Variants in MICAL3 observed in about 807,000 individuals in gnomAD.
The protein encoded by MICAL3 is microtubule associated monooxygenase, calponin and LIM domain containing 3.
MICAL3 carries 62 observed loss-of-function variants against 207.4 expected under a neutral mutation model. That is an observed-to-expected ratio of 0.30 (90% CI 0.24 to 0.37). The LOEUF is 0.37. MICAL3 is among the 10% of genes least tolerant of loss of function. The pLI is 1.00. For synonymous variants in MICAL3, 1,077 were observed against 1,069.3 expected, an observed-to-expected ratio of 1.01 and a Z score of -0.14; for missense variants, 2,368 against 2,635.6, an observed-to-expected ratio of 0.90 and a Z score of 2.22.
At chr22:17,822,404 GCT>G (rs528053818) in intron 23 of MICAL3, among the ~76,000 whole-genome samples, 34 of 152,340 alleles carry the variant, frequency 2.2e-4, no homozygotes, top group African/African-American at 7.0e-4. Context: ...AGCCTGTGGG[GCT>G]CTGTTTCTTT....
Position 17,893,886 on chromosome 22 carries a change from T to G in MICAL3, c.1468A>C (p.Thr490Pro). 6.4e-7 allele frequency: 1 copy of G among 1,560,616 alleles called. No individual in the cohort carries two copies. The highest frequency in any genetic ancestry group is 8.7e-7 in the Non-Finnish European group (1 of 1,151,220). Residue 490 changes from threonine to proline, a missense_variant, in exon 11 of 32, where the codon ACT (threonine) becomes CCT (proline). Coordinates refer to ENST00000441493, the MANE Select transcript of MICAL3 (RefSeq NM_015241.3). ...RPSQVRHLYD[T>P]GETKDIHLEM... ...AGGTGAATATCTTTTGTTTCGCCAG[T>G]ATCATATAAATGGCGCACCTGGCAG... is the stretch of plus-strand genomic sequence containing the variant.
chr22:17,904,172 C>T (rs1018917132), intron 3 of MICAL3, among the ~76,000 whole-genome samples: 2 of 152,256 alleles, frequency 1.3e-5, no homozygotes, highest in African/African-American at 2.4e-5. Flanking sequence ...TGGCTCCCCC[C>T]AGGACTGTGT....
rs1452258641 is a variant in MICAL3 at position 17,965,666 on chromosome 22, A to G, written c.-75+58615T>C. Among the ~76,000 whole-genome samples, 4 of 152,250 alleles carry G rather than the reference A, an allele frequency of 2.6e-5. No homozygotes were observed. The East Asian group carries it at 7.7e-4, about 29-fold the overall frequency. ...GTAACTTGCCCCAAGTCACACAGTA[A>G]GAGCTGACACCTGATCCCAGGAAGC... On this transcript the variant is annotated intron_variant, in intron 1 of 31. Transcript: ENST00000441493.
At chr22:17,884,691 A>G (rs1231289273) in intron 16 of MICAL3, among the ~76,000 whole-genome samples, 1 of 152,212 alleles carries the variant, frequency 6.6e-6, no homozygotes, top group East Asian at 1.9e-4. Context: ...GAGGAAAGCA[A>G]CCTTCTCTTA....
chr22:17,959,890 G>A (rs970453700), intron 1 of MICAL3, among the ~76,000 whole-genome samples: 2 of 152,184 alleles, frequency 1.3e-5, no homozygotes, highest in Non-Finnish European at 2.9e-5. Context: ...TATAAGGCAA[G>A]GCTGAAGGAA....
At chr22:17,866,674 A>ATATAGAATAGAATAGAATATAGAG (rs1215593354) in intron 17 of MICAL3, among the ~76,000 whole-genome samples, 1 of 151,200 alleles carries the variant, frequency 6.6e-6, no homozygotes, top group Non-Finnish European at 1.5e-5. Flanking sequence ...AGAATATAGA[A>ATATAGAATAGAATAGAATATAGAG]TAGAATAGAA....
At chr22:17,800,263 A>G (rs900253431) in intron 29 of MICAL3, among the ~76,000 whole-genome samples, 13 of 152,178 alleles carry the variant, frequency 8.5e-5, no homozygotes, top group African/African-American at 3.1e-4. Context: ...CCCGAAAACT[A>G]GAAATTATGT....
intron 8 of MICAL3, 79 bp from the exon 9 acceptor site, chr22:17,896,440 G>C: frequency 2.1e-6 from 2 of 942,196 alleles, no homozygotes; most frequent in South Asian, 2.9e-5. Flanking sequence ...GGAACAAAGA[G>C]TTTGCTGTCG....
chr22:17,812,588 C>T, intron 27 of MICAL3: 1 of 945,970 alleles, frequency 1.1e-6, no homozygotes, highest in South Asian at 4.9e-5. Context: ...GAAAACAAAA[C>T]AGAATAGTAA....
chr22:17,923,924 C>T (rs2401411), intron 1 of MICAL3, among the ~76,000 whole-genome samples: 111,960 of 152,180 alleles, frequency 0.74, 41,759 homozygotes, highest in African/African-American at 0.85. Flanking sequence ...CAGTTCAGCA[C>T]GGCTGGGGAG....
chr22:18,012,502 C>T (rs1380044842), intron 1 of MICAL3, among the ~76,000 whole-genome samples: 1 of 152,152 alleles, frequency 6.6e-6, no homozygotes, highest in Admixed American at 6.5e-5. Context: ...CCTGAAGTTC[C>T]ATCATCTAAT....
In MICAL3 at chr22:17,877,834, TC is replaced by T. The variant is rs552476842; in HGVS notation, c.2242-5812del. Among the ~76,000 whole-genome samples, 24 of 152,188 alleles carry T rather than the reference TC, an allele frequency of 1.6e-4. No individual in the cohort carries two copies. In the South Asian group the frequency reaches 5.0e-3, roughly 32 times the overall value. ...TGCCAATCTCTCCTATTCAACATGC[TC>T]CCCTCCCTTCTTCTTTTTTTTGAGA... On this transcript the variant is annotated intron_variant, in intron 16 of 31. Coordinates refer to ENST00000441493, the MANE Select transcript of MICAL3 (RefSeq NM_015241.3).
chr22:17,958,350 C>T (rs1306675209), intron 1 of MICAL3, among the ~76,000 whole-genome samples: 1 of 152,170 alleles, frequency 6.6e-6, no homozygotes, highest in African/African-American at 2.4e-5. Context: ...CTGAGTTGAA[C>T]GCACTCCACA....
In MICAL3 at chr22:17,790,671, G is replaced by C; in HGVS notation, c.*61C>G. The C allele has an allele frequency of 6.7e-7, 1 of 1,484,188 alleles. No homozygotes were observed. Among genetic ancestry groups the C allele is most frequent in the Non-Finnish European group, 9.1e-7 (1 of 1,098,026 alleles). The allele number at this position is 1,484,188 out of a possible 1,614,324, so 91.9% of individuals were successfully genotyped here. ...CCTCCTCAGATCGCGGCTCCGGGTGGTTTGGATGCCACTGCCTGGCCAGGC... is the reference window on the plus strand; with the variant it reads ...CCTCCTCAGATCGCGGCTCCGGGTGCTTTGGATGCCACTGCCTGGCCAGGC... On this transcript the variant is annotated 3_prime_UTR_variant, in exon 32 of 32. Coordinates refer to ENST00000441493, the MANE Select transcript of MICAL3 (RefSeq NM_015241.3).
rs1343079421 is a variant in MICAL3, at chr22:17,796,532, A to G, written c.5651-5231T>C. 6.6e-6 allele frequency among the ~76,000 whole-genome samples: 1 copy of G among 152,210 alleles called. No individual in the cohort carries two copies. Among genetic ancestry groups the G allele is most frequent in the East Asian group, 1.9e-4 (1 of 5,184 alleles). On this transcript the variant is annotated intron_variant, in intron 29 of 31. Coordinates refer to ENST00000441493, the MANE Select transcript of MICAL3 (RefSeq NM_015241.3). The surrounding 1 kb of genome is among the most constrained non-coding windows in gnomAD (Gnocchi z 4.4). The stretch of plus-strand genomic sequence containing the variant: ...GGAGTTAAGTGTGGCAGAGCCTGGA[A>G]AAGAAGCCAAATCTTCTTGCCCACT...
At chr22:17,998,472 C>T (rs1030651514) in intron 1 of MICAL3, among the ~76,000 whole-genome samples, 4 of 151,672 alleles carry the variant, frequency 2.6e-5, no homozygotes, top group African/African-American at 9.7e-5. Flanking sequence ...AATGAGATAA[C>T]AGGTCATGAA....
In MICAL3 at chr22:17,841,933, C is replaced by T. The variant is rs528919172; in HGVS notation, c.2690G>A (p.Arg897His). The T allele has an allele frequency of 3.4e-5, 54 of 1,602,770 alleles. No homozygotes were observed. In the South Asian group the frequency reaches 4.6e-4, roughly 14 times the overall value. ...TPERIELENY[R>H]LSLRQAEALQ... ...TGCCTCAGCCTGCCTCAGGGACAGGCGGTAGTTCTCCAGCTCGATCCGCTC... is the reference window on the plus strand; with the variant it reads ...TGCCTCAGCCTGCCTCAGGGACAGGTGGTAGTTCTCCAGCTCGATCCGCTC... Residue 897 changes from arginine to histidine, a missense_variant, in exon 20 of 32, where the codon CGC becomes CAC. Arg to His is a conservative substitution (Grantham distance 29). Transcript: ENST00000441493. The surrounding 1 kb of genome is among the most constrained non-coding windows in gnomAD (Gnocchi z 4.2).
intron 19 of MICAL3, chr22:17,863,186 A>C: frequency 1.0e-6 from 1 of 985,458 alleles, no homozygotes; most frequent in Non-Finnish European, 1.2e-6. Context: ...GAAAGTCAGC[A>C]AACCTGGCGT....
chr22:17,903,412 G>A (rs1052653937), intron 3 of MICAL3, among the ~76,000 whole-genome samples: 5 of 152,212 alleles, frequency 3.3e-5, no homozygotes, highest in African/African-American at 9.7e-5. Context: ...AAGGTGCAGA[G>A]ATAAAGATCT....
Sources: gnomAD v4.1 joint callset for allele counts (sites outside exome capture counted in the v4.1 genomes callset) on GRCh38, gnomAD v4.1.1 for gene constraint, Gnocchi (gnomAD v3.1) non-coding constraint, MANE v1.5 for transcripts, NCBI Gene and HGNC (gene_info 2026-07-23, HGNC 2026-07-21) for gene names.